The following SYT1 variants were observed in gnomAD, a reference collection of about 807,000 sequenced individuals.
SYT1 encodes the protein synaptotagmin 1.
A neutral mutation model predicts 44.8 loss-of-function variants in SYT1; 8 were observed. The observed-to-expected ratio is 0.18, with a 90% CI of 0.10 to 0.32. SYT1 has a LOEUF of 0.32. SYT1 is among the 10% of genes least tolerant of loss of function. The probability of loss-of-function intolerance (pLI) is 1.00; values close to 1 mark genes in which losing one functional copy is unlikely to be tolerated. For synonymous variants in SYT1, 154 were observed against 188.8 expected, an observed-to-expected ratio of 0.82 and a Z score of 1.51; for missense variants, 286 against 509.3, an observed-to-expected ratio of 0.56 and a Z score of 4.22.
At chr12:79,113,415 C>T (rs1879117290) in intron 3 of SYT1, among the ~76,000 whole-genome samples, 2 of 152,052 alleles carry the variant, frequency 1.3e-5, no homozygotes, top group Non-Finnish European at 2.9e-5. Flanking sequence ...GACTTTGAAA[C>T]TACGTTGTAT....
chr12:79,342,304 T>C (rs979167082), intron 8 of SYT1, among the ~76,000 whole-genome samples: 1 of 152,132 alleles, frequency 6.6e-6, no homozygotes, highest in South Asian at 2.1e-4. Context: ...CAATCATAGC[T>C]CACTGAAGAC....
intron 1 of SYT1, among the ~76,000 whole-genome samples, chr12:78,928,171 T>G (rs11608747): frequency 0.077 from 11,666 of 152,104 alleles, 503 homozygotes; most frequent in East Asian, 0.18. Flanking sequence ...CATTTGACAC[T>G]TCATTTTAAA....
intron 9 of SYT1, among the ~76,000 whole-genome samples, chr12:79,440,219 A>G (rs1223724097): frequency 6.6e-6 from 1 of 152,196 alleles, no homozygotes; most frequent in Non-Finnish European, 1.5e-5. Flanking sequence ...CTCCATCTCA[A>G]AAAAAGAGAG....
chr12:79,411,863 A>G (rs1868456200), intron 9 of SYT1, among the ~76,000 whole-genome samples: 1 of 151,942 alleles, frequency 6.6e-6, no homozygotes. Context: ...TTTAGCAATG[A>G]TATATTGAGG....
chr12:79,430,968 G>C (rs1177038292), intron 9 of SYT1, among the ~76,000 whole-genome samples: 2 of 152,328 alleles, frequency 1.3e-5, no homozygotes, highest in East Asian at 3.9e-4. Flanking sequence ...GCACATAACA[G>C]ACACTCAGTG....
chr12:79,391,465 T>G (rs909420706), intron 9 of SYT1, among the ~76,000 whole-genome samples: 1 of 152,206 alleles, frequency 6.6e-6, no homozygotes, highest in African/African-American at 2.4e-5. Context: ...ATATATTGCT[T>G]AAGATTTTTG....
At chr12:79,132,117 A>G (rs1306976369) in intron 3 of SYT1, among the ~76,000 whole-genome samples, 1 of 152,204 alleles carries the variant, frequency 6.6e-6, no homozygotes, top group Non-Finnish European at 1.5e-5. Context: ...GAATAATCCC[A>G]TTAAAAAGTA....
chr12:79,065,896 T>C (rs1875808788), intron 3 of SYT1, among the ~76,000 whole-genome samples: 2 of 151,940 alleles, frequency 1.3e-5, no homozygotes, highest in Admixed American at 6.6e-5. Context: ...GATTAAAAAT[T>C]ACGGGGGGGA....
chr12:79,342,398 T>C (rs1882417387), intron 8 of SYT1, among the ~76,000 whole-genome samples: 1 of 148,684 alleles, frequency 6.7e-6, no homozygotes, highest in East Asian at 2.0e-4. Context: ...TGCCCGGCTA[T>C]TTTTTTGTTT....
intron 6 of SYT1, among the ~76,000 whole-genome samples, chr12:79,292,925 T>A (rs558829526): frequency 2.5e-4 from 38 of 152,212 alleles, no homozygotes; most frequent in African/African-American, 8.4e-4. Context: ...ACAACGTTGA[T>A]GAAAATGTTC....
rs528221467 is a variant in SYT1 at position 79,224,525 on chromosome 12, C to G, written c.166+6840C>G. Among the ~76,000 whole-genome samples, 5 of 151,986 alleles carry G rather than the reference C, an allele frequency of 3.3e-5. No individual in the cohort carries two copies. The East Asian group carries it at 7.7e-4, about 24-fold the overall frequency. On this transcript the variant is annotated intron_variant, in intron 4 of 10. Coordinates refer to ENST00000261205, the MANE Select transcript of SYT1 (RefSeq NM_005639.3). ...ACCAAGGCCCTTAGGTAAGAATCTA[C>G]CTGGAAGAGCAAGAAGCCCAGTGTG... is the stretch of plus-strand genomic sequence containing the variant.
intron 1 of SYT1, among the ~76,000 whole-genome samples, chr12:78,882,700 T>C (rs1192681043): frequency 6.6e-6 from 1 of 151,770 alleles, no homozygotes; most frequent in Admixed American, 6.6e-5. Context: ...AGAAGAAATA[T>C]ATTTATAAAT....
intron 3 of SYT1, among the ~76,000 whole-genome samples, chr12:79,122,205 A>G (rs968203961): frequency 4.6e-5 from 7 of 152,232 alleles, no homozygotes; most frequent in Non-Finnish European, 1.0e-4. Flanking sequence ...TTCCTTTGAA[A>G]GAAGTCAATA....
intron 4 of SYT1, among the ~76,000 whole-genome samples, chr12:79,275,457 A>T (rs1262671585): frequency 6.6e-6 from 1 of 152,100 alleles, no homozygotes; most frequent in Non-Finnish European, 1.5e-5. Context: ...GGCTTGCAAG[A>T]GGGGTGGAGT....
intron 8 of SYT1, among the ~76,000 whole-genome samples, chr12:79,339,088 T>C (rs564108774): frequency 1.4e-4 from 21 of 152,306 alleles, no homozygotes; most frequent in African/African-American, 5.1e-4. Context: ...TTTGGGTTGG[T>C]TCCAAGTCTT....
chr12:79,126,307 C>T (rs1463673011), intron 3 of SYT1, among the ~76,000 whole-genome samples: 2 of 152,240 alleles, frequency 1.3e-5, no homozygotes, highest in Non-Finnish European at 2.9e-5. Context: ...TGTTGCCAGG[C>T]TGGAGTGCAG....
chr12:79,027,091 A>G (rs568174003), intron 2 of SYT1, among the ~76,000 whole-genome samples: 1 of 151,608 alleles, frequency 6.6e-6, no homozygotes, highest in Admixed American at 6.6e-5. Context: ...GGTTCTTGCT[A>G]TTTCTTGAAC....
At chr12:79,441,442 G>A (rs796761393) in intron 9 of SYT1, among the ~76,000 whole-genome samples, 89 of 152,154 alleles carry the variant, frequency 5.8e-4, no homozygotes, top group African/African-American at 2.0e-3. Context: ...CACCTTTGGA[G>A]TAGCTGGGAT....
At chr12:79,318,081 A>G (rs770085487) in intron 8 of SYT1, among the ~76,000 whole-genome samples, 31 of 152,204 alleles carry the variant, frequency 2.0e-4, no homozygotes, top group African/African-American at 7.2e-4. Context: ...TGCAATGGGA[A>G]CTATGGCACT....
Sources: allele counts gnomAD v4.1 joint callset (sites outside exome capture counted in the v4.1 genomes callset), GRCh38; gene constraint gnomAD v4.1.1; transcripts MANE v1.5; gene names NCBI Gene and HGNC (gene_info 2026-07-23, HGNC 2026-07-21).